The following HAO1 variants were observed in gnomAD, a reference collection of about 807,000 sequenced individuals.
The protein encoded by HAO1 is hydroxyacid oxidase 1.
A neutral mutation model predicts 39.7 loss-of-function variants in HAO1; 34 were observed. The ratio of observed to expected loss-of-function variants is 0.86; its 90% CI spans 0.65 to 1.14. HAO1 has a LOEUF of 1.14. HAO1 is among the 50% of genes most tolerant of loss of function. The pLI is 0.00. For synonymous variants in HAO1, 172 were observed against 173.2 expected (o/e 0.99, Z 0.05); for missense variants, 479 against 464.5 (o/e 1.03, Z -0.29).
intron 1 of HAO1, among the ~76,000 whole-genome samples, chr20:7,940,019 T>A (rs1452284951): frequency 6.6e-6 from 1 of 152,224 alleles, no homozygotes; most frequent in East Asian, 1.9e-4. Context: ...TATTTTTACA[T>A]GTAGTTAAAT....
intron 5 of HAO1, among the ~76,000 whole-genome samples, chr20:7,892,449 G>T (rs756854430): frequency 1.4e-3 from 209 of 152,214 alleles, no homozygotes; most frequent in Non-Finnish European, 2.0e-3. Context: ...AAAACTCAAC[G>T]CAATATGCAC....
chr20:7,914,318 G>T lies in HAO1; in HGVS notation c.391C>A (p.Leu131Met), dbSNP rs1232739464. 6.2e-7 allele frequency: 1 copy of T among 1,614,052 alleles called. No homozygotes were observed. Among genetic ancestry groups the T allele is most frequent in the Admixed American group, 1.7e-5 (1 of 60,010 alleles). The stretch of plus-strand genomic sequence containing the variant: ...ACTTCTCGGTCCTTGTAGATATACA[G>T]TTGCAGCCAACGAAGTGCCTCAGGA... ...AGPEALRWLQ[L>M]YIYKDREVTK... Residue 131 changes from leucine to methionine, a missense_variant, in exon 3 of 8, where the codon CTG becomes ATG. Coordinates refer to ENST00000378789, the MANE Select transcript of HAO1 (RefSeq NM_017545.3).
At chr20:7,886,549 C>G (rs920797410) in intron 5 of HAO1, among the ~76,000 whole-genome samples, 1 of 152,142 alleles carries the variant, frequency 6.6e-6, no homozygotes, top group African/African-American at 2.4e-5. Context: ...GATAATAGTG[C>G]AAGCAGTGTG....
intron 1 of HAO1, among the ~76,000 whole-genome samples, chr20:7,936,556 G>GTGTGTGTGTT (rs1375018593): frequency 5.5e-5 from 8 of 146,098 alleles, no homozygotes; most frequent in Admixed American, 2.7e-4. Flanking sequence ...GTTCGCGCGC[G>GTGTGTGTGTT]CGCGCGCGCG....
chr20:7,891,526 CA>C (rs1453057576), intron 5 of HAO1, among the ~76,000 whole-genome samples: 3 of 152,052 alleles, frequency 2.0e-5, no homozygotes, highest in African/African-American at 7.2e-5. Flanking sequence ...TTTTGCTGTG[CA>C]AAAAGCTCTT....
intron 2 of HAO1, among the ~76,000 whole-genome samples, chr20:7,926,454 G>A (rs1029406782): frequency 2.0e-5 from 3 of 151,962 alleles, no homozygotes; most frequent in Non-Finnish European, 4.4e-5. Flanking sequence ...ATATCTAGTC[G>A]GTCGCCTAGC....
At chr20:7,903,879 T>G (rs989968344) in intron 4 of HAO1, among the ~76,000 whole-genome samples, 1 of 128,886 alleles carries the variant, frequency 7.8e-6, no homozygotes, top group Non-Finnish European at 1.7e-5. Context: ...GTGGTGGTGG[T>G]GGTGGTGGTG....
At chr20:7,935,249 A>G (rs1454162403) in intron 1 of HAO1, among the ~76,000 whole-genome samples, 2 of 152,196 alleles carry the variant, frequency 1.3e-5, no homozygotes, top group Non-Finnish European at 1.5e-5. Flanking sequence ...TTGTCCAGTC[A>G]TTCCCAAGCT....
In HAO1 at chr20:7,883,337, C is replaced by T; in HGVS notation, c.*256G>A. 2.0e-6 allele frequency: 1 copy of T among 502,546 alleles called. No individual in the cohort carries two copies. The highest frequency in any genetic ancestry group is 2.7e-5 in the South Asian group (1 of 37,426). 31.1% of individuals were successfully genotyped at this position (502,546 alleles called of 1,614,324 possible). On this transcript the variant is annotated 3_prime_UTR_variant, in exon 8 of 8. Transcript: ENST00000378789. Reference sequence around the variant, plus strand: ...GCCAGGGGATGACGTTGTCTAAACACATTTTCAATGTTTTCTTTTTAACAG... The same window carrying T: ...GCCAGGGGATGACGTTGTCTAAACATATTTTCAATGTTTTCTTTTTAACAG...
In HAO1 at chr20:7,883,551, T is replaced by G; in HGVS notation, c.*42A>C. The stretch of plus-strand genomic sequence containing the variant: ...CAGTGTCTCTTTGTCAAGTAATACA[T>G]GCTGAAAAAAAATAATACAGATGGG... On this transcript the variant is annotated 3_prime_UTR_variant, in exon 8 of 8. Transcript: ENST00000378789. The G allele has an allele frequency of 6.9e-7, 1 of 1,451,020 alleles. No homozygotes were observed. The highest frequency in any genetic ancestry group is 1.1e-5 in the South Asian group (1 of 87,828). 89.9% of individuals were successfully genotyped at this position (1,451,020 alleles called of 1,614,324 possible). A position where few individuals can be genotyped will look rare whatever the true frequency, so the allele number is the denominator to read the frequency against.
At chr20:7,936,691 G>A (rs2050413984) in intron 1 of HAO1, among the ~76,000 whole-genome samples, 1 of 151,866 alleles carries the variant, frequency 6.6e-6, no homozygotes. Flanking sequence ...TAGTAACTGC[G>A]GGCTCTTAAT....
At chr20:7,937,216 T>C (rs2050417090) in intron 1 of HAO1, among the ~76,000 whole-genome samples, 1 of 152,166 alleles carries the variant, frequency 6.6e-6, no homozygotes, top group Non-Finnish European at 1.5e-5. Flanking sequence ...GCTGCCCTGT[T>C]GAAGGAAGAC....
chr20:7,933,040 A>T (rs1412605653), intron 2 of HAO1, among the ~76,000 whole-genome samples: 1 of 152,218 alleles, frequency 6.6e-6, no homozygotes, highest in Non-Finnish European at 1.5e-5. Flanking sequence ...CGGAAAATAA[A>T]ATAGATGGTC....
intron 4 of HAO1, among the ~76,000 whole-genome samples, chr20:7,897,204 T>G (rs949759533): frequency 6.6e-6 from 1 of 152,214 alleles, no homozygotes; most frequent in Admixed American, 6.5e-5. Context: ...ATTTGAATTA[T>G]TTTATAAGTA....
chr20:7,936,535 TG>T (rs2050411330), intron 1 of HAO1, among the ~76,000 whole-genome samples: 2 of 148,668 alleles, frequency 1.3e-5, no homozygotes, highest in South Asian at 2.1e-4. Context: ...TGTGTGTGTG[TG>T]TGTGTGTGTG....
At chr20:7,914,049 T>A (rs1185931253) in intron 3 of HAO1, 115 bp downstream of exon 3, 1 of 1,090,450 alleles carries the variant, frequency 9.2e-7, no homozygotes. Context: ...AGGGATGTGA[T>A]TAGCTGAAGA....
intron 5 of HAO1, among the ~76,000 whole-genome samples, chr20:7,886,636 A>G (rs554362958): frequency 6.6e-6 from 1 of 152,318 alleles, no homozygotes; most frequent in Admixed American, 6.5e-5. Context: ...ATCCAACCAT[A>G]TATTAAAGAA....
intron 7 of HAO1, 105 bp downstream of exon 7, chr20:7,885,416 C>G: frequency 1.3e-6 from 1 of 760,584 alleles, no homozygotes; most frequent in Non-Finnish European, 2.3e-6. Flanking sequence ...TTAATGTACT[C>G]AAATGATCCC....
chr20:7,895,103 A>G, intron 5 of HAO1, 30 bp downstream of exon 5: 1 of 1,405,476 alleles, frequency 7.1e-7, no homozygotes, highest in Non-Finnish European at 1.0e-6. Flanking sequence ...GGAACTCCAA[A>G]AGGAAATCTT....
Sources: allele counts gnomAD v4.1 joint callset (sites outside exome capture counted in the v4.1 genomes callset), GRCh38; gene constraint gnomAD v4.1.1; transcripts MANE v1.5; gene names NCBI Gene and HGNC (gene_info 2026-07-23, HGNC 2026-07-21).